SH3GL1: variants seen among roughly 807,000 people sequenced by gnomAD.
SH3GL1 encodes endophilin-A2.
Under a neutral mutation model 48.8 loss-of-function variants are expected in SH3GL1, and 21 were observed. The observed-to-expected ratio is 0.43, with a 90% CI of 0.30 to 0.62. The LOEUF is 0.62. Ranked by LOEUF, SH3GL1 falls within the 20% of genes least tolerant of loss-of-function variation. The pLI is 0.11. For missense variants in SH3GL1, 454 were observed against 503.0 expected (o/e 0.90, Z 0.93); for synonymous variants, 282 against 217.5 (o/e 1.30, Z -2.61).
intron 1 of SH3GL1, among the ~76,000 whole-genome samples, chr19:4,378,867 T>C (rs1022519011): frequency 6.6e-6 from 1 of 152,222 alleles, no homozygotes. Context: ...CCAGTTTTTC[T>C]GGAGCAAGAG....
rs1356884863 is a variant in SH3GL1, at chr19:4,364,911, TA to T, written c.331+570del. On this transcript the variant is annotated intron_variant, in intron 4 of 9. Transcript: ENST00000269886. ...GTGTGTGTGTGTGTATATATATATA[TA>T]TATATTTTTTTTTTTTTAGTAGAAG... Among the ~76,000 whole-genome samples, 66 of 135,810 alleles carry T rather than the reference TA, an allele frequency of 4.9e-4. 2 individuals are homozygous for T. Among genetic ancestry groups the T allele is most frequent in the African/African-American group, 9.1e-4 (31 of 34,252 alleles). The allele number at this position is 135,810 out of a possible 152,430, so 89.1% of individuals were successfully genotyped here.
chr19:4,364,916 A>ATATTTTTTT (rs1450528018), intron 4 of SH3GL1, among the ~76,000 whole-genome samples: 2 of 116,212 alleles, frequency 1.7e-5, no homozygotes, highest in African/African-American at 7.6e-5. Flanking sequence ...ATATATATAT[A>ATATTTTTTT]TTTTTTTTTT....
At position 4,361,584 on chromosome 19, in the gene SH3GL1, C is replaced by T. The variant is rs369381530; in HGVS notation, c.*16G>A. On this transcript the variant is annotated 3_prime_UTR_variant, in exon 10 of 10. Coordinates refer to ENST00000269886, the MANE Select transcript of SH3GL1 (RefSeq NM_003025.4). ...GGCCAGTGTGGACGGAGGGGCGGGG[C>T]GGGGACACGGGTGAGTCACTGCGGC... is the stretch of plus-strand genomic sequence containing the variant. 146 of 1,569,974 alleles carry T rather than the reference C, an allele frequency of 9.3e-5. No homozygotes were observed. The African/African-American group carries it at 1.3e-3, about 14-fold the overall frequency.
At chr19:4,368,542 C>G (rs894970086) in intron 1 of SH3GL1, among the ~76,000 whole-genome samples, 1 of 152,228 alleles carries the variant, frequency 6.6e-6, no homozygotes, top group African/African-American at 2.4e-5. Flanking sequence ...AAAAAGACAC[C>G]AGCCCCTTTG....
chr19:4,365,349 C>T (rs1329866894), intron 4 of SH3GL1, 133 bp downstream of exon 4: 3 of 1,245,024 alleles, frequency 2.4e-6, no homozygotes. Context: ...TCCTGCACCT[C>T]TGCAGCTGGA....
In SH3GL1 at chr19:4,389,851, T is replaced by C. The variant is rs1973303865; in HGVS notation, c.45+10473A>G. 6.6e-6 allele frequency among the ~76,000 whole-genome samples: 1 copy of C among 152,212 alleles called. No homozygotes were observed. The highest frequency in any genetic ancestry group is 2.4e-5 in the African/African-American group (1 of 41,450). Reference sequence around the variant, plus strand: ...AATGGAATAATCACTCCCATTGGCATGAAACCATGTGGGGAGCTGTCCACT... The same window carrying C: ...AATGGAATAATCACTCCCATTGGCACGAAACCATGTGGGGAGCTGTCCACT... On this transcript the variant is annotated intron_variant, in intron 1 of 9. Transcript: ENST00000269886. The surrounding 1 kb of genome is among the most constrained non-coding windows in gnomAD (Gnocchi z 4.5).
chr19:4,391,205 C>T (rs906837633), intron 1 of SH3GL1, among the ~76,000 whole-genome samples: 1 of 152,144 alleles, frequency 6.6e-6, no homozygotes, highest in Admixed American at 6.5e-5. Context: ...CAGCGGCCAC[C>T]CCTGGGTGGC....
Position 4,373,961 on chromosome 19 carries a change from G to A in SH3GL1, c.46-6967C>T, listed in dbSNP as rs185547476. ...AACTGTGGTGCTGGCCATTCATGCC[G>A]TCTCTCAGGCTGTCGGGCCCTGCCC... On this transcript the variant is annotated intron_variant, in intron 1 of 9. Transcript: ENST00000269886. Among the ~76,000 whole-genome samples, 10 of 152,388 alleles carry A rather than the reference G, an allele frequency of 6.6e-5. No homozygotes were observed. In the East Asian group the frequency reaches 1.3e-3, roughly 21 times the overall value.
chr19:4,378,002 G>A (rs961766084), intron 1 of SH3GL1, among the ~76,000 whole-genome samples: 8 of 152,266 alleles, frequency 5.3e-5, no homozygotes, highest in Middle Eastern at 3.4e-3. Flanking sequence ...GACACCACTC[G>A]GGACAGGCTC....
intron 4 of SH3GL1, chr19:4,364,425 A>C: frequency 1.7e-6 from 1 of 603,558 alleles, no homozygotes; most frequent in Admixed American, 2.9e-5. Flanking sequence ...GTTCACCCCC[A>C]CACCTGGATC....
chr19:4,372,330 G>A (rs982548575), intron 1 of SH3GL1, among the ~76,000 whole-genome samples: 1 of 152,246 alleles, frequency 6.6e-6, no homozygotes, highest in Non-Finnish European at 1.5e-5. Context: ...GGAAGCTGAA[G>A]GGGACGTGGA....
At chr19:4,382,423 A>C (rs1270189659) in intron 1 of SH3GL1, among the ~76,000 whole-genome samples, 2 of 151,156 alleles carry the variant, frequency 1.3e-5, no homozygotes, top group Non-Finnish European at 3.0e-5. Flanking sequence ...ACGCCCGGCT[A>C]ATTTTTTGTA....
chr19:4,364,166 G>A lies in SH3GL1; in HGVS notation c.387C>T (p.Asp129=). Residue 129 remains aspartate, a synonymous_variant, in exon 5 of 10, where the codon GAC becomes GAT. Coordinates refer to ENST00000269886, the MANE Select transcript of SH3GL1 (RefSeq NM_003025.4). ...ESMKRLAEVK[D]SLDIEVKQNF... is the part of the protein sequence containing the mutation. ...TCTGCTTGACCTCGATGTCCAGGGA[G>A]TCCTTCACCTCTGCCAGGCGCTTCA... 1 of 1,613,972 alleles carries A rather than the reference G, an allele frequency of 6.2e-7. No homozygotes were observed. The highest frequency in any genetic ancestry group is 8.5e-7 in the Non-Finnish European group (1 of 1,180,016).
At chr19:4,363,686 G>T (rs758664514) in intron 6 of SH3GL1, 34 bp downstream of exon 6, 3 of 1,611,548 alleles carry the variant, frequency 1.9e-6, no homozygotes, top group Admixed American at 1.7e-5. Context: ...AAGGGCATAG[G>T]TCTTCTCAGG....
chr19:4,400,405 G>A lies in SH3GL1; in HGVS notation c.-37C>T. The A allele has an allele frequency of 3.2e-6, 5 of 1,556,560 alleles. No homozygotes were observed. The highest frequency in any genetic ancestry group is 3.5e-6 in the Non-Finnish European group (4 of 1,157,514). ...CCGCCGAGCCTCCCGCCCGGACCGC[G>A]CCAGCGACAGGCTCCCGGGCGCCGC... is the stretch of plus-strand genomic sequence containing the variant. On this transcript the variant is annotated 5_prime_UTR_variant, in exon 1 of 10. Coordinates refer to ENST00000269886, the MANE Select transcript of SH3GL1 (RefSeq NM_003025.4). This position sits in a 1 kb window ranked among gnomAD's most constrained non-coding sequence, Gnocchi z 4.1.
At chr19:4,366,626 C>T (rs1972786508) in intron 2 of SH3GL1, 53 bp from the exon 3 acceptor site, 1 of 1,511,260 alleles carries the variant, frequency 6.6e-7, no homozygotes. Context: ...GCCCAAGGCA[C>T]ACAAGACCCC....
At position 4,389,057 on chromosome 19, in the gene SH3GL1, G is replaced by T. The variant is rs1286577986; in HGVS notation, c.45+11267C>A. On this transcript the variant is annotated intron_variant, in intron 1 of 9. Transcript: ENST00000269886. This position sits in a 1 kb window ranked among gnomAD's most constrained non-coding sequence, Gnocchi z 4.5. ...CCAGCGGACCAGGGGCTGCTGTTGA[G>T]CCACCACCAGGGACACCACAGGGGC... Among the ~76,000 whole-genome samples, 1 of 152,198 alleles carries T rather than the reference G, an allele frequency of 6.6e-6. No individual in the cohort carries two copies.
At chr19:4,366,809 G>C in intron 2 of SH3GL1, 117 bp downstream of exon 2, 2 of 1,069,046 alleles carry the variant, frequency 1.9e-6, no homozygotes, top group South Asian at 2.5e-5. Flanking sequence ...CTCCACACCT[G>C]CCGGGCCCCA....
chr19:4,387,706 T>C (rs1973261756), intron 1 of SH3GL1, among the ~76,000 whole-genome samples: 1 of 152,074 alleles, frequency 6.6e-6, no homozygotes, highest in South Asian at 2.1e-4. Context: ...TGTGCGGGGT[T>C]TTTTGTGTTG....
Sources: allele counts gnomAD v4.1 joint callset (sites outside exome capture counted in the v4.1 genomes callset), GRCh38; gene constraint gnomAD v4.1.1; non-coding constraint Gnocchi (gnomAD v3.1); transcripts MANE v1.5; gene names NCBI Gene and HGNC (gene_info 2026-07-23, HGNC 2026-07-21).